Variants in GRID1 observed in about 807,000 individuals in gnomAD.
GRID1 encodes the protein glutamate ionotropic receptor delta type subunit 1.
In GRID1, 28 loss-of-function variants were observed where a neutral mutation model predicts 98.0. The ratio of observed to expected loss-of-function variants is 0.29; its 90% CI spans 0.21 to 0.39. The LOEUF (loss-of-function observed/expected upper bound fraction) is 0.39. Ranked by LOEUF, GRID1 falls within the 10% of genes least tolerant of loss-of-function variation. The probability of loss-of-function intolerance (pLI) is 1.00; values close to 1 mark genes in which losing one functional copy is unlikely to be tolerated. For missense variants in GRID1, 1,111 were observed against 1,340.5 expected (o/e 0.83, Z 2.67); for synonymous variants, 553 against 538.5 (o/e 1.03, Z -0.37).
chr10:86,045,991 G>A (rs926842060), intron 4 of GRID1, among the ~76,000 whole-genome samples: 1 of 152,132 alleles, frequency 6.6e-6, no homozygotes, highest in South Asian at 2.1e-4. Context: ...TGAAGTAGGA[G>A]GTGGGACTCA....
intron 12 of GRID1, among the ~76,000 whole-genome samples, chr10:85,705,574 T>C (rs986348484): frequency 1.3e-5 from 2 of 151,964 alleles, no homozygotes; most frequent in Non-Finnish European, 2.9e-5. Context: ...TTCCAACCAA[T>C]AGAAAAGGAG....
At chr10:85,943,093 A>G (rs968249047) in intron 4 of GRID1, among the ~76,000 whole-genome samples, 1 of 152,214 alleles carries the variant, frequency 6.6e-6, no homozygotes, top group East Asian at 1.9e-4. Flanking sequence ...TAATGCTTCA[A>G]TGAACATTCT....
At chr10:85,975,864 T>C (rs1842465858) in intron 4 of GRID1, among the ~76,000 whole-genome samples, 1 of 152,232 alleles carries the variant, frequency 6.6e-6, no homozygotes, top group Non-Finnish European at 1.5e-5. Flanking sequence ...CTATAAAATA[T>C]ATTTCATCTA....
At chr10:86,259,947 G>C (rs143011809) in intron 2 of GRID1, among the ~76,000 whole-genome samples, 4 of 152,362 alleles carry the variant, frequency 2.6e-5, no homozygotes, top group African/African-American at 9.6e-5. Context: ...AAGCACATGA[G>C]AGCCCAGGCA....
rs114138796 is a variant in GRID1 at position 85,600,718 on chromosome 10, C to G, written c.*1555G>C. 5 of 152,226 alleles carry G rather than the reference C, an allele frequency of 3.3e-5. No individual in the cohort carries two copies. Among genetic ancestry groups the G allele is most frequent in the Non-Finnish European group, 5.9e-5 (4 of 68,064 alleles). The allele number at this position is 152,226 out of a possible 1,614,324, so 9.4% of individuals were successfully genotyped here. On this transcript the variant is annotated 3_prime_UTR_variant, in exon 16 of 16. Transcript: ENST00000327946. The stretch of plus-strand genomic sequence containing the variant: ...AACTCAGATTCCCCCAGTTCCACTC[C>G]TAATGGTTCTTTCCCTGATTCTGTA...
chr10:86,040,535 A>C (rs1316773473), intron 4 of GRID1, among the ~76,000 whole-genome samples: 1 of 143,192 alleles, frequency 7.0e-6, no homozygotes, highest in African/African-American at 2.6e-5. Flanking sequence ...AAAAAAGCCC[A>C]TCTCATAGAA....
chr10:85,749,202 T>C (rs1220368136), intron 8 of GRID1, among the ~76,000 whole-genome samples: 1 of 152,210 alleles, frequency 6.6e-6, no homozygotes, highest in Non-Finnish European at 1.5e-5. Flanking sequence ...TTTGGGGCCA[T>C]GTGCCTGAGT....
At chr10:86,341,651 C>T (rs1451357123) in intron 2 of GRID1, among the ~76,000 whole-genome samples, 1 of 152,190 alleles carries the variant, frequency 6.6e-6, no homozygotes, top group Non-Finnish European at 1.5e-5. Context: ...TTTCACAACA[C>T]GTAGTCTCTT....
chr10:86,059,268 T>C (rs1374658281), intron 4 of GRID1, among the ~76,000 whole-genome samples: 1 of 152,192 alleles, frequency 6.6e-6, no homozygotes, highest in Non-Finnish European at 1.5e-5. Context: ...GATTACATCA[T>C]GAGTGAGAGA....
At chr10:86,338,977 A>G (rs1589454311) in intron 2 of GRID1, among the ~76,000 whole-genome samples, 1 of 152,142 alleles carries the variant, frequency 6.6e-6, no homozygotes, top group Non-Finnish European at 1.5e-5. Flanking sequence ...AGCTTCAGTA[A>G]GTTGCTCAAG....
chr10:86,291,633 C>T (rs547112293), intron 2 of GRID1, among the ~76,000 whole-genome samples: 1 of 152,338 alleles, frequency 6.6e-6, no homozygotes, highest in East Asian at 1.9e-4. Context: ...CCCAACACCA[C>T]TCTCTCTGTT....
chr10:85,773,384 A>C (rs1338019237), intron 8 of GRID1, among the ~76,000 whole-genome samples: 1 of 152,202 alleles, frequency 6.6e-6, no homozygotes, highest in Non-Finnish European at 1.5e-5. Flanking sequence ...ATGGGCAAAA[A>C]CTGGAAGCAT....
intron 4 of GRID1, among the ~76,000 whole-genome samples, chr10:85,949,616 A>G (rs1426816604): frequency 1.3e-5 from 2 of 152,098 alleles, no homozygotes; most frequent in Non-Finnish European, 2.9e-5. Context: ...GATGAGCACA[A>G]TCTTTACATC....
intron 4 of GRID1, among the ~76,000 whole-genome samples, chr10:86,076,812 T>G (rs1843888949): frequency 6.7e-6 from 1 of 148,876 alleles, no homozygotes; most frequent in Non-Finnish European, 1.5e-5. Flanking sequence ...TGCTGAGGGT[T>G]TGCTCAACCT....
chr10:86,069,419 C>T (rs1308938400), intron 4 of GRID1, among the ~76,000 whole-genome samples: 2 of 152,094 alleles, frequency 1.3e-5, no homozygotes, highest in African/African-American at 4.8e-5. Flanking sequence ...GAGGCCGAGG[C>T]GGGCGGATCA....
At chr10:85,867,562 A>G (rs1843233823) in intron 6 of GRID1, among the ~76,000 whole-genome samples, 1 of 152,270 alleles carries the variant, frequency 6.6e-6, no homozygotes, top group African/African-American at 2.4e-5. Flanking sequence ...ACAGAGGCAC[A>G]GTGAGAGGAA....
intron 12 of GRID1, among the ~76,000 whole-genome samples, chr10:85,656,019 C>T (rs563885007): frequency 2.0e-5 from 3 of 152,102 alleles, no homozygotes; most frequent in South Asian, 2.1e-4. Flanking sequence ...AGATGACATC[C>T]TCCTCCAACC....
At chr10:86,050,895 TAAAA>T (rs34448773) in intron 4 of GRID1, among the ~76,000 whole-genome samples, 1 of 129,198 alleles carries the variant, frequency 7.7e-6, no homozygotes, top group Admixed American at 7.9e-5. Context: ...GAAAAAAAGT[TAAAA>T]AAAAAAAAAA....
At chr10:86,316,392 T>G (rs968614198) in intron 2 of GRID1, among the ~76,000 whole-genome samples, 2 of 152,214 alleles carry the variant, frequency 1.3e-5, no homozygotes, top group Admixed American at 6.5e-5. Flanking sequence ...GGGAACCCAG[T>G]CTAAGCCAGT....
Sources: gnomAD v4.1 joint callset for allele counts (sites outside exome capture counted in the v4.1 genomes callset) on GRCh38, gnomAD v4.1.1 for gene constraint, MANE v1.5 for transcripts, NCBI Gene and HGNC (gene_info 2026-07-23, HGNC 2026-07-21) for gene names.